The following DOCK8 variants were observed in gnomAD, a reference collection of about 807,000 sequenced individuals.
DOCK8 encodes dedicator of cytokinesis protein 8.
DOCK8 carries 141 observed loss-of-function variants against 245.6 expected under a neutral mutation model. The observed-to-expected ratio is 0.57, with a 90% CI of 0.50 to 0.66. The LOEUF (loss-of-function observed/expected upper bound fraction) is 0.66, where lower values mean the gene tolerates loss of function less well. Ranked by LOEUF, DOCK8 falls within the 30% of genes least tolerant of loss-of-function variation. The probability of loss-of-function intolerance (pLI) is 0.00; values close to 1 mark genes in which losing one functional copy is unlikely to be tolerated. For missense variants in DOCK8, 2,965 were observed against 2,603.4 expected, an observed-to-expected ratio of 1.14 and a Z score of -3.02; for synonymous variants, 1,168 against 970.2, an observed-to-expected ratio of 1.20 and a Z score of -3.79.
chr9:277,264 T>TAA (rs112515212), intron 2 of DOCK8, among the ~76,000 whole-genome samples: 1 of 150,560 alleles, frequency 6.6e-6, no homozygotes, highest in Non-Finnish European at 1.5e-5. Context: ...ACAACAAAGT[T>TAA]AAAAAGAAAA....
At chr9:268,951 A>G (rs2048095025) in intron 1 of DOCK8, among the ~76,000 whole-genome samples, 1 of 152,188 alleles carries the variant, frequency 6.6e-6, no homozygotes, top group South Asian at 2.1e-4. Context: ...TCAGTCTATC[A>G]AGCACTTGGA....
At chr9:312,989 G>A (rs1257905243) in intron 6 of DOCK8, 1 of 152,946 alleles carries the variant, frequency 6.5e-6, no homozygotes, top group Admixed American at 6.5e-5. Context: ...ATCCATCCAT[G>A]CCTCTAAATA....
chr9:435,581 C>G (rs2056871407), intron 39 of DOCK8, among the ~76,000 whole-genome samples: 1 of 152,202 alleles, frequency 6.6e-6, no homozygotes, highest in African/African-American at 2.4e-5. Context: ...TTTGATTCCA[C>G]TCTTCAACTT....
chr9:318,284 T>TTAGA (rs1157657965), intron 7 of DOCK8, among the ~76,000 whole-genome samples: 3 of 152,206 alleles, frequency 2.0e-5, no homozygotes, highest in Non-Finnish European at 4.4e-5. Context: ...TTATATACTA[T>TTAGA]TAGATGGGTC....
At chr9:319,390 A>C (rs1223796530) in intron 7 of DOCK8, among the ~76,000 whole-genome samples, 2 of 152,242 alleles carry the variant, frequency 1.3e-5, no homozygotes, top group African/African-American at 4.8e-5. Context: ...AGTCGAATTG[A>C]CATATTTGCC....
chr9:395,425 T>C (rs572487152), intron 24 of DOCK8, among the ~76,000 whole-genome samples: 28 of 152,370 alleles, frequency 1.8e-4, no homozygotes, highest in African/African-American at 6.5e-4. Context: ...TGAATTCTGC[T>C]GTTAGTGTAT....
In DOCK8 at chr9:379,766, C is replaced by G; in HGVS notation, c.2441-5C>G. ...GGACTACCCATTTTTCTCTTGGTTCCTCAGCCAACTTCTCCCAGTTTGCCT... is the reference window on the plus strand; with the variant it reads ...GGACTACCCATTTTTCTCTTGGTTCGTCAGCCAACTTCTCCCAGTTTGCCT... On this transcript the variant is annotated splice_polypyrimidine_tract_variant and splice_region_variant and intron_variant, in intron 20 of 47. Transcript: ENST00000432829. 1 of 1,614,214 alleles carries G rather than the reference C, an allele frequency of 6.2e-7. No individual in the cohort carries two copies. Among genetic ancestry groups the G allele is most frequent in the Non-Finnish European group, 8.5e-7 (1 of 1,180,036 alleles).
At chr9:370,337 T>G (rs2053229141) in intron 16 of DOCK8, 37 bp downstream of exon 16, 2 of 1,587,802 alleles carry the variant, frequency 1.3e-6, no homozygotes, top group East Asian at 2.2e-5. Flanking sequence ...TATGCCAAGA[T>G]GGTTTCATCA....
At chr9:234,580 G>A (rs2047202511) in intron 1 of DOCK8, among the ~76,000 whole-genome samples, 1 of 152,142 alleles carries the variant, frequency 6.6e-6, no homozygotes, top group Non-Finnish European at 1.5e-5. Context: ...ATATTTCTTG[G>A]AGGCTTTGTT....
At chr9:448,507 A>C (rs1479475897) in intron 44 of DOCK8, among the ~76,000 whole-genome samples, 1 of 152,212 alleles carries the variant, frequency 6.6e-6, no homozygotes, top group African/African-American at 2.4e-5. Flanking sequence ...TGGGTGGCTT[A>C]AACAACTGAA....
intron 20 of DOCK8, among the ~76,000 whole-genome samples, chr9:378,863 A>G (rs191881975): frequency 6.6e-6 from 1 of 152,350 alleles, no homozygotes; most frequent in East Asian, 1.9e-4. Flanking sequence ...TGCACTTCGC[A>G]TGGGAAGGAT....
At chr9:377,652 A>G (rs907170048) in intron 20 of DOCK8, among the ~76,000 whole-genome samples, 1 of 152,214 alleles carries the variant, frequency 6.6e-6, no homozygotes, top group Non-Finnish European at 1.5e-5. Flanking sequence ...CACTATTTTA[A>G]AGTGTATAGT....
chr9:281,500 G>T (rs995456782), intron 2 of DOCK8, among the ~76,000 whole-genome samples: 10 of 151,712 alleles, frequency 6.6e-5, no homozygotes, highest in African/African-American at 1.9e-4. Context: ...GCCTTGAACC[G>T]ATCTTAGGAA....
intron 2 of DOCK8, 67 bp downstream of exon 2, chr9:271,796 C>T: frequency 9.4e-7 from 1 of 1,066,124 alleles, no homozygotes; most frequent in Admixed American, 2.2e-5. Flanking sequence ...TATGTGTTTG[C>T]CTCCTGTTCC....
intron 1 of DOCK8, chr9:215,460 G>A (rs1587595181): frequency 6.7e-7 from 1 of 1,487,576 alleles, no homozygotes; most frequent in Admixed American, 2.4e-5. Context: ...GCTGAAATTA[G>A]AGTTGCGTTT....
intron 18 of DOCK8, among the ~76,000 whole-genome samples, chr9:373,156 G>T (rs979789533): frequency 2.6e-5 from 4 of 152,110 alleles, no homozygotes; most frequent in African/African-American, 9.7e-5. Flanking sequence ...GACAGAGTGA[G>T]ACTCCATCTC....
chr9:434,776 T>C lies in DOCK8; in HGVS notation c.4887-7T>C, dbSNP rs570951935. ...TCAAAACTACTTCTCACTCAATCTGTCTTCAGAATTGCCAAGAGTTACCAG... is the reference window on the plus strand; with the variant it reads ...TCAAAACTACTTCTCACTCAATCTGCCTTCAGAATTGCCAAGAGTTACCAG... On this transcript the variant is annotated splice_polypyrimidine_tract_variant and splice_region_variant and intron_variant, in intron 38 of 47. Coordinates refer to ENST00000432829, the MANE Select transcript of DOCK8 (RefSeq NM_203447.4). 6.2e-7 allele frequency: 1 copy of C among 1,613,934 alleles called. No individual in the cohort carries two copies. The highest frequency in any genetic ancestry group is 1.3e-5 in the African/African-American group (1 of 75,066).
chr9:281,082 C>G (rs931336739), intron 2 of DOCK8, among the ~76,000 whole-genome samples: 1 of 152,084 alleles, frequency 6.6e-6, no homozygotes. Flanking sequence ...AGTGGAACCC[C>G]GTCTCCACTA....
intron 1 of DOCK8, among the ~76,000 whole-genome samples, chr9:216,028 G>A (rs2046743387): frequency 6.6e-6 from 1 of 152,156 alleles, no homozygotes; most frequent in African/African-American, 2.4e-5. Flanking sequence ...GTGTGAAGAG[G>A]TTTGAACAAG....
Sources: allele counts gnomAD v4.1 joint callset (sites outside exome capture counted in the v4.1 genomes callset), GRCh38; gene constraint gnomAD v4.1.1; transcripts MANE v1.5; gene names NCBI Gene and HGNC (gene_info 2026-07-23, HGNC 2026-07-21).